The following GRIK1 variants were observed in gnomAD, a reference collection of about 807,000 sequenced individuals.
The protein encoded by GRIK1 is glutamate ionotropic receptor kainate type subunit 1.
Under a neutral mutation model 105.7 loss-of-function variants are expected in GRIK1, and 69 were observed. The observed-to-expected ratio is 0.65, with a 90% CI of 0.54 to 0.80. The LOEUF (loss-of-function observed/expected upper bound fraction) is 0.80, where lower values mean the gene tolerates loss of function less well. GRIK1 is among the 30% of genes least tolerant of loss of function. The pLI, the probability that GRIK1 is intolerant of heterozygous loss-of-function variation, is 0.00. For synonymous variants in GRIK1, 438 were observed against 431.3 expected (o/e 1.02, Z -0.19); for missense variants, 1,109 against 1,167.3 (o/e 0.95, Z 0.73).
intron 1 of GRIK1, among the ~76,000 whole-genome samples, chr21:29,859,489 C>T (rs1388226803): frequency 6.6e-6 from 1 of 152,180 alleles, no homozygotes; most frequent in African/African-American, 2.4e-5. Context: ...ACTGCCCTCT[C>T]TTCTAGCCTC....
chr21:29,600,870 G>C (rs767648657), intron 7 of GRIK1, among the ~76,000 whole-genome samples: 3 of 152,072 alleles, frequency 2.0e-5, no homozygotes, highest in African/African-American at 7.3e-5. Flanking sequence ...TACAAATCAC[G>C]ACCAGATTCA....
intron 1 of GRIK1, among the ~76,000 whole-genome samples, chr21:29,817,599 C>T (rs950852855): frequency 2.6e-5 from 4 of 152,050 alleles, no homozygotes; most frequent in South Asian, 4.2e-4. Flanking sequence ...GCCCCTTTCT[C>T]GAGCTGCTGT....
chr21:29,752,993 A>G (rs2065243692), intron 1 of GRIK1, among the ~76,000 whole-genome samples: 1 of 152,190 alleles, frequency 6.6e-6, no homozygotes, highest in African/African-American at 2.4e-5. Context: ...TCTAGTTCCT[A>G]TTTGGAGAAC....
intron 4 of GRIK1, among the ~76,000 whole-genome samples, chr21:29,663,724 G>C (rs1470658085): frequency 5.3e-5 from 8 of 152,168 alleles, no homozygotes; most frequent in African/African-American, 1.9e-4. Flanking sequence ...GATGTGGAGA[G>C]CTCTGCATGG....
chr21:29,649,427 A>G (rs2062683665), intron 6 of GRIK1, among the ~76,000 whole-genome samples: 1 of 152,194 alleles, frequency 6.6e-6, no homozygotes, highest in South Asian at 2.1e-4. Flanking sequence ...AACACAGTCT[A>G]GAAACCCCTC....
At chr21:29,685,600 G>T (rs75975774) in intron 3 of GRIK1, among the ~76,000 whole-genome samples, 8,931 of 152,106 alleles carry the variant, frequency 0.059, 303 homozygotes, top group Non-Finnish European at 0.068. Flanking sequence ...TGCTTTTGTT[G>T]TCTTTTAAGA....
intron 1 of GRIK1, among the ~76,000 whole-genome samples, chr21:29,934,536 G>A (rs1241518717): frequency 1.3e-5 from 2 of 152,120 alleles, no homozygotes; most frequent in East Asian, 3.9e-4. Flanking sequence ...TAAGAGAAAT[G>A]AACTCTTGCT....
chr21:29,726,708 T>C (rs1300602589), intron 1 of GRIK1, among the ~76,000 whole-genome samples: 1 of 151,588 alleles, frequency 6.6e-6, no homozygotes, highest in Non-Finnish European at 1.5e-5. Context: ...ATTATATAAA[T>C]TGACTATAAT....
intron 1 of GRIK1, among the ~76,000 whole-genome samples, chr21:29,854,808 C>A (rs2068415234): frequency 6.6e-6 from 1 of 152,066 alleles, no homozygotes; most frequent in South Asian, 2.1e-4. Flanking sequence ...TTCTTTCACT[C>A]TTCCTTGATC....
At chr21:29,927,003 C>T (rs2071391636) in intron 1 of GRIK1, among the ~76,000 whole-genome samples, 2 of 152,148 alleles carry the variant, frequency 1.3e-5, no homozygotes, top group Admixed American at 1.3e-4. Flanking sequence ...GGAATATTCT[C>T]ATGAGAAGCA....
chr21:29,576,425 A>T (rs16984381), intron 14 of GRIK1, among the ~76,000 whole-genome samples: 2,979 of 152,250 alleles, frequency 0.02, 53 homozygotes, highest in Non-Finnish European at 0.03. Flanking sequence ...TCCTTCATCA[A>T]TGCGGACTCA....
At chr21:29,542,485 TG>T (rs2089987619) in intron 16 of GRIK1, among the ~76,000 whole-genome samples, 1 of 152,220 alleles carries the variant, frequency 6.6e-6, no homozygotes, top group Non-Finnish European at 1.5e-5. Flanking sequence ...TAAAATACTC[TG>T]CCTCACGAAG....
intron 7 of GRIK1, among the ~76,000 whole-genome samples, chr21:29,600,258 T>G (rs1401426138): frequency 6.6e-6 from 1 of 152,202 alleles, no homozygotes; most frequent in African/African-American, 2.4e-5. Flanking sequence ...GTTCCAGGGA[T>G]GAGGACATGG....
chr21:29,910,828 T>A (rs1443417476), intron 1 of GRIK1, among the ~76,000 whole-genome samples: 4 of 152,112 alleles, frequency 2.6e-5, no homozygotes, highest in African/African-American at 9.7e-5. Flanking sequence ...TAATATAGAA[T>A]GCTGTTTTTC....
At chr21:29,712,019 T>C (rs1033927094) in intron 1 of GRIK1, among the ~76,000 whole-genome samples, 2 of 151,752 alleles carry the variant, frequency 1.3e-5, no homozygotes, top group African/African-American at 4.8e-5. Flanking sequence ...TCCAATCCTT[T>C]TTTGCTATGT....
chr21:29,724,325 C>T (rs2064398188), intron 1 of GRIK1, among the ~76,000 whole-genome samples: 1 of 149,750 alleles, frequency 6.7e-6, no homozygotes, highest in South Asian at 2.2e-4. Context: ...ATGTTGTAGG[C>T]GAGAGTTAGG....
At chr21:29,542,057 C>A (rs1793099887) in intron 16 of GRIK1, among the ~76,000 whole-genome samples, 1 of 150,280 alleles carries the variant, frequency 6.7e-6, no homozygotes, top group African/African-American at 2.5e-5. Context: ...GTGTGTGTGA[C>A]CTTTCCTTTA....
intron 7 of GRIK1, among the ~76,000 whole-genome samples, chr21:29,612,050 C>T: frequency 6.6e-6 from 1 of 152,186 alleles, no homozygotes; most frequent in Non-Finnish European, 1.5e-5. Flanking sequence ...AAGTCAATGT[C>T]ACAAGGCTAG....
intron 7 of GRIK1, among the ~76,000 whole-genome samples, chr21:29,618,506 T>C (rs1448224229): frequency 2.6e-5 from 4 of 152,184 alleles, no homozygotes; most frequent in African/African-American, 7.2e-5. Context: ...AGCCGACTAC[T>C]GTATATCTAC....
Sources: gnomAD v4.1 joint callset for allele counts (sites outside exome capture counted in the v4.1 genomes callset) on GRCh38, gnomAD v4.1.1 for gene constraint, MANE v1.5 for transcripts, NCBI Gene and HGNC (gene_info 2026-07-23, HGNC 2026-07-21) for gene names.